Variants in LYST observed in about 807,000 individuals in gnomAD.
LYST encodes lysosomal-trafficking regulator.
Under a neutral mutation model 413.6 loss-of-function variants are expected in LYST, and 192 were observed. The ratio of observed to expected loss-of-function variants is 0.46; its 90% CI spans 0.41 to 0.52. The LOEUF (loss-of-function observed/expected upper bound fraction) is 0.52. Among genes scored for constraint, LYST ranks in the 20% least tolerant of loss-of-function variants. LYST has a pLI of 0.00. For synonymous variants in LYST, 1,525 were observed against 1,567.3 expected, an observed-to-expected ratio of 0.97 and a Z score of 0.64; for missense variants, 3,815 against 4,499.9, an observed-to-expected ratio of 0.85 and a Z score of 4.35.
intron 38 of LYST, 109 bp downstream of exon 38, chr1:235,727,967 G>A: frequency 1.2e-6 from 1 of 837,814 alleles, no homozygotes; most frequent in Non-Finnish European, 2.1e-6. Flanking sequence ...TACATAGAGT[G>A]ACAAAGAATG....
rs199542846 is a variant in LYST, at chr1:235,766,259, G to A, written c.5941C>T (p.Leu1981Phe). The change falls in exon 21 of 53, where the codon CTC (leucine) becomes TTC (phenylalanine). Residue 1981 changes from leucine (L) to phenylalanine (F), a missense_variant. Around this residue, in one of 4 missense-constraint regions of LYST, gnomAD observed 530 missense variants for 696.5 expected, o/e 0.76. Coordinates refer to ENST00000389793, the MANE Select transcript of LYST (RefSeq NM_000081.4). Reference protein sequence around the residue: ...QVLQEYKEGQLTPMPREVCRS... With the variant: ...QVLQEYKEGQFTPMPREVCRS... ...CAAACCTCTCGGGGCATGGGTGTGA[G>A]TTGCCCCTCTTTGTATTCCTGAAAA... The A allele has an allele frequency of 6.2e-7, 1 of 1,608,732 alleles. No individual in the cohort carries two copies. Among genetic ancestry groups the A allele is most frequent in the East Asian group, 2.2e-5 (1 of 44,842 alleles).
At chr1:235,699,560 G>A (rs1375994586) in intron 45 of LYST, among the ~76,000 whole-genome samples, 4 of 151,846 alleles carry the variant, frequency 2.6e-5, no homozygotes, top group Non-Finnish European at 5.9e-5. Context: ...TGTCTTTAGA[G>A]TAGAATGATT....
At position 235,809,632 on chromosome 1, in the gene LYST, G is replaced by A; in HGVS notation, c.1186C>T (p.His396Tyr). ...QEDFVFSKYR[H>Y]RALLLPELLE... Reference sequence around the variant, plus strand: ...AGCTCAGGTAAAAGAAGGGCTCTATGACGATACTTTGAAAACACAAAATCT... The same window carrying A: ...AGCTCAGGTAAAAGAAGGGCTCTATAACGATACTTTGAAAACACAAAATCT... Residue 396 changes from histidine (H) to tyrosine (Y), a missense_variant, in exon 5 of 53, where the codon CAT (histidine) becomes TAT (tyrosine). Physicochemically the swap from His to Tyr is moderately conservative, Grantham distance 83 (BLOSUM62 2). This residue lies in a region of LYST where 1,648 missense variants were observed against 1,810.3 expected (regional missense o/e 0.91). Coordinates refer to ENST00000389793, the MANE Select transcript of LYST (RefSeq NM_000081.4). This position sits in a 1 kb window ranked among gnomAD's most constrained non-coding sequence, Gnocchi z 4.0. 6.2e-7 allele frequency: 1 copy of A among 1,614,094 alleles called. No individual in the cohort carries two copies. The highest frequency in any genetic ancestry group is 8.5e-7 in the Non-Finnish European group (1 of 1,179,970).
At chr1:235,838,216 G>A (rs963333424) in intron 1 of LYST, among the ~76,000 whole-genome samples, 2 of 152,208 alleles carry the variant, frequency 1.3e-5, no homozygotes, top group African/African-American at 4.8e-5. Context: ...ACTGATGAGT[G>A]TAACAGGGTC....
chr1:235,715,090 T>C (rs1324332425), intron 42 of LYST, 111 bp downstream of exon 42: 7 of 986,908 alleles, frequency 7.1e-6, no homozygotes, highest in Non-Finnish European at 9.5e-6. Flanking sequence ...CTTTTTCCTG[T>C]AGTTTGATTA....
chr1:235,818,866 C>G (rs6429354), intron 3 of LYST, among the ~76,000 whole-genome samples: 58,704 of 152,068 alleles, frequency 0.39, 11,815 homozygotes, highest in African/African-American at 0.43. Context: ...CCTGGCAGAG[C>G]TCTGCATGAC....
chr1:235,822,435 G>T (rs1257932691), intron 3 of LYST, among the ~76,000 whole-genome samples: 1 of 152,088 alleles, frequency 6.6e-6, no homozygotes, highest in Non-Finnish European at 1.5e-5. Flanking sequence ...TCTCATTATT[G>T]TATATAGGGC....
At chr1:235,760,750 G>T (rs1012775514) in intron 22 of LYST, among the ~76,000 whole-genome samples, 8 of 152,180 alleles carry the variant, frequency 5.3e-5, no homozygotes, top group African/African-American at 1.7e-4. Context: ...TAAATGAACT[G>T]CTTTAGAGCA....
chr1:235,790,629 A>G (rs367606043), intron 12 of LYST, among the ~76,000 whole-genome samples: 10 of 152,206 alleles, frequency 6.6e-5, no homozygotes, highest in East Asian at 3.8e-4. Context: ...CTCCATGTAC[A>G]TATAAAACCC....
intron 1 of LYST, among the ~76,000 whole-genome samples, chr1:235,860,845 G>T (rs1254289048): frequency 6.6e-6 from 1 of 151,666 alleles, no homozygotes; most frequent in Admixed American, 6.6e-5. Flanking sequence ...CCTCTTTCCT[G>T]CCCCTTCCCT....
chr1:235,712,721 TG>T, intron 42 of LYST: 1 of 985,418 alleles, frequency 1.0e-6, no homozygotes, highest in East Asian at 1.1e-4. Context: ...TACGGTGCAT[TG>T]TTTTTTGGTG....
chr1:235,841,705 G>C (rs1677230153), intron 1 of LYST, among the ~76,000 whole-genome samples: 1 of 152,162 alleles, frequency 6.6e-6, no homozygotes, highest in Non-Finnish European at 1.5e-5. Context: ...GCTGGGGCGG[G>C]GAAGCAGGAG....
At chr1:235,781,112 T>C (rs1312571629) in intron 15 of LYST, 57 bp from the exon 16 acceptor site, 3 of 1,073,272 alleles carry the variant, frequency 2.8e-6, no homozygotes, top group South Asian at 1.3e-5. Context: ...GAATTTTTCA[T>C]AAAAAGCAAG....
intron 1 of LYST, chr1:235,839,421 T>C (rs1676949000): frequency 6.6e-6 from 1 of 151,904 alleles, no homozygotes; most frequent in African/African-American, 2.4e-5. Context: ...CCTTCCAAAG[T>C]GCTGGGATTA....
intron 39 of LYST, among the ~76,000 whole-genome samples, chr1:235,722,909 A>G (rs1663511644): frequency 6.6e-6 from 1 of 152,210 alleles, no homozygotes; most frequent in Non-Finnish European, 1.5e-5. Flanking sequence ...GAAATATGGC[A>G]ATTTTTATTT....
chr1:235,740,548 C>T (rs563328527), intron 31 of LYST, among the ~76,000 whole-genome samples: 1 of 152,210 alleles, frequency 6.6e-6, no homozygotes, highest in South Asian at 2.1e-4. Flanking sequence ...TCCCTTTCCC[C>T]ACTCAATGTT....
Position 235,773,824 on chromosome 1 carries a change from A to G in LYST, c.5784+18T>C, listed in dbSNP as rs548242945. ...TTTTACCACAATAAAAAATGGAAAA[A>G]AAGTACATATTACATGCCTCTGCTT... On this transcript the variant is annotated intron_variant, in intron 19 of 52. Transcript: ENST00000389793. 5 of 1,606,900 alleles carry G rather than the reference A, an allele frequency of 3.1e-6. No homozygotes were observed. Among genetic ancestry groups the G allele is most frequent in the East Asian group, 2.2e-5 (1 of 44,632 alleles).
At chr1:235,761,102 A>T (rs529325488) in intron 22 of LYST, among the ~76,000 whole-genome samples, 12 of 152,298 alleles carry the variant, frequency 7.9e-5, no homozygotes, top group African/African-American at 2.9e-4. Context: ...ATTTAAAAAA[A>T]ATTTTTTTTA....
intron 1 of LYST, chr1:235,839,664 A>G (rs1233509160): frequency 6.8e-6 from 1 of 147,458 alleles, no homozygotes; most frequent in East Asian, 2.1e-4. Context: ...AAAATTAGCC[A>G]TGTGCGGTGG....
Sources: allele counts gnomAD v4.1 joint callset (sites outside exome capture counted in the v4.1 genomes callset), GRCh38; gene constraint gnomAD v4.1.1; regional missense constraint gnomAD v4.1.1; non-coding constraint Gnocchi (gnomAD v3.1); transcripts MANE v1.5; gene names NCBI Gene and HGNC (gene_info 2026-07-23, HGNC 2026-07-21).